STAG1: variants seen among roughly 807,000 people sequenced by gnomAD.
STAG1 encodes the protein cohesin subunit SA-1.
STAG1 carries 26 observed loss-of-function variants against 170.9 expected under a neutral mutation model. That is an observed-to-expected ratio of 0.15 (90% CI 0.11 to 0.21). The LOEUF is 0.21. STAG1 is among the 10% of genes least tolerant of loss of function. The probability of loss-of-function intolerance (pLI) is 1.00; values close to 1 mark genes in which losing one functional copy is unlikely to be tolerated. For missense variants in STAG1, 964 were observed against 1,509.5 expected, an observed-to-expected ratio of 0.64 and a Z score of 5.99; for synonymous variants, 514 against 497.7, an observed-to-expected ratio of 1.03 and a Z score of -0.44.
intron 1 of STAG1, among the ~76,000 whole-genome samples, chr3:136,661,472 T>G (rs981198956): frequency 1.3e-5 from 2 of 152,142 alleles, no homozygotes; most frequent in African/African-American, 4.8e-5. Flanking sequence ...GTTTATTCAG[T>G]GTCAACAAGG....
intron 1 of STAG1, among the ~76,000 whole-genome samples, chr3:136,703,025 G>A (rs775420969): frequency 6.4e-5 from 9 of 139,754 alleles, no homozygotes; most frequent in Non-Finnish European, 1.1e-4. Flanking sequence ...CTGATATTGC[G>A]CCACTGCACT....
At chr3:136,714,964 T>TATATATA (rs1491313421) in intron 1 of STAG1, among the ~76,000 whole-genome samples, 45 of 63,576 alleles carry the variant, frequency 7.1e-4, no homozygotes, top group African/African-American at 2.0e-3. Context: ...TATATATATA[T>TATATATA]TTTATATATA....
At chr3:136,745,782 T>C (rs1934906970) in intron 1 of STAG1, among the ~76,000 whole-genome samples, 1 of 152,136 alleles carries the variant, frequency 6.6e-6, no homozygotes, top group African/African-American at 2.4e-5. Context: ...GGAAGAAGAA[T>C]TGCTGTAGGC....
intron 15 of STAG1, among the ~76,000 whole-genome samples, chr3:136,442,414 A>G (rs2088658768): frequency 6.6e-6 from 1 of 152,236 alleles, no homozygotes; most frequent in Non-Finnish European, 1.5e-5. Flanking sequence ...ATAAGCTTTC[A>G]GAACACAATC....
chr3:136,528,374 T>C (rs1414724540), intron 6 of STAG1, among the ~76,000 whole-genome samples: 1 of 152,052 alleles, frequency 6.6e-6, no homozygotes, highest in East Asian at 1.9e-4. Flanking sequence ...TGGGACCCTC[T>C]GAGCCAGGCG....
At position 136,514,759 on chromosome 3, in the gene STAG1, G is replaced by C. The variant is rs1040630699; in HGVS notation, c.676+6454C>G. 5.9e-5 allele frequency among the ~76,000 whole-genome samples: 9 copies of C among 152,292 alleles called. No homozygotes were observed. In the East Asian group the frequency reaches 1.7e-3, roughly 29 times the overall value. ...AAAAAAGGATGAGTTCACGTCCTTT[G>C]CAGGGGCATGGATGCAGCTGGAAAC... On this transcript the variant is annotated intron_variant, in intron 7 of 33. Coordinates refer to ENST00000383202, the MANE Select transcript of STAG1 (RefSeq NM_005862.3).
At chr3:136,726,915 T>C (rs1933719821) in intron 1 of STAG1, among the ~76,000 whole-genome samples, 1 of 152,176 alleles carries the variant, frequency 6.6e-6, no homozygotes. Flanking sequence ...ACTATGGCCT[T>C]CTCTGAATTC....
intron 2 of STAG1, 96 bp downstream of exon 2, chr3:136,630,774 T>C: frequency 1.1e-6 from 1 of 880,558 alleles, no homozygotes; most frequent in Non-Finnish European, 1.8e-6. Flanking sequence ...AAGAACATAT[T>C]TGAAATGTAT....
chr3:136,674,552 C>T (rs1942076821), intron 1 of STAG1, among the ~76,000 whole-genome samples: 1 of 152,100 alleles, frequency 6.6e-6, no homozygotes, highest in Non-Finnish European at 1.5e-5. Context: ...GTGCTAGAAA[C>T]GTTTTCATCT....
At chr3:136,396,520 CTTTTTTTTTTTT>C (rs146270857) in intron 22 of STAG1, among the ~76,000 whole-genome samples, 12 of 43,658 alleles carry the variant, frequency 2.7e-4, no homozygotes, top group South Asian at 1.3e-3. Flanking sequence ...CGCGCCTGGC[CTTTTTTTTTTTT>C]TTTTTTTTTT....
chr3:136,508,599 G>T (rs995532338), intron 7 of STAG1, among the ~76,000 whole-genome samples: 2 of 152,168 alleles, frequency 1.3e-5, no homozygotes, highest in African/African-American at 4.8e-5. Flanking sequence ...GAGGTGGGAG[G>T]ATTACATAAA....
intron 16 of STAG1, among the ~76,000 whole-genome samples, chr3:136,424,609 A>C (rs1314917929): frequency 6.6e-6 from 1 of 152,114 alleles, no homozygotes; most frequent in East Asian, 1.9e-4. Context: ...CTGGAATTAC[A>C]GGTGTGAGCC....
intron 23 of STAG1, among the ~76,000 whole-genome samples, chr3:136,370,383 A>G (rs948154520): frequency 2.6e-5 from 4 of 151,986 alleles, no homozygotes; most frequent in African/African-American, 9.7e-5. Flanking sequence ...ATTATACTTT[A>G]AGTTTTAGGG....
In STAG1 at chr3:136,568,705, A is replaced by C. The variant is rs183727606; in HGVS notation, c.394+60T>G. On this transcript the variant is annotated intron_variant, in intron 5 of 33. Transcript: ENST00000383202. ...ATATACGACTAGTGGCAGGTGAAGT[A>C]AAAGTCACACTGCTGGACTGACAGG... 3.6e-4 allele frequency: 436 copies of C among 1,217,974 alleles called. 1 individual carries two copies. The African/African-American group carries it at 5.0e-3, about 14-fold the overall frequency. 75.4% of individuals were successfully genotyped at this position (1,217,974 alleles called of 1,614,324 possible).
intron 1 of STAG1, among the ~76,000 whole-genome samples, chr3:136,719,382 A>G (rs1233665944): frequency 3.3e-5 from 5 of 151,930 alleles, no homozygotes; most frequent in Non-Finnish European, 7.4e-5. Context: ...ATGGGCACAG[A>G]TTTTCTTCTT....
chr3:136,465,558 CAAAAAAAAAAAA>C (rs11364802), intron 12 of STAG1, among the ~76,000 whole-genome samples: 15 of 48,224 alleles, frequency 3.1e-4, no homozygotes, highest in Admixed American at 4.0e-4. Flanking sequence ...ACTCTTGCCT[CAAAAAAAAAAAA>C]AAAAAAAAAA....
chr3:136,544,487 G>A (rs1244101485), intron 5 of STAG1, among the ~76,000 whole-genome samples: 1 of 152,194 alleles, frequency 6.6e-6, no homozygotes, highest in Non-Finnish European at 1.5e-5. Flanking sequence ...TTTTGGCCAT[G>A]TGTGGTGGCT....
chr3:136,398,917 C>T, intron 21 of STAG1, 88 bp from the exon 22 acceptor site: 2 of 698,534 alleles, frequency 2.9e-6, no homozygotes, highest in Non-Finnish European at 4.3e-6. Context: ...ATATTTATCA[C>T]AGTTGTTATT....
intron 9 of STAG1, among the ~76,000 whole-genome samples, chr3:136,477,950 T>C (rs1008378575): frequency 6.6e-6 from 1 of 151,976 alleles, no homozygotes; most frequent in African/African-American, 2.4e-5. Context: ...CCACCACACC[T>C]GAGTAATTTT....
Sources: allele counts gnomAD v4.1 joint callset (sites outside exome capture counted in the v4.1 genomes callset), GRCh38; gene constraint gnomAD v4.1.1; transcripts MANE v1.5; gene names NCBI Gene and HGNC (gene_info 2026-07-23, HGNC 2026-07-21).